Variants in CPA6 observed in about 807,000 individuals in gnomAD.
The protein encoded by CPA6 is carboxypeptidase B.
A neutral mutation model predicts 63.3 loss-of-function variants in CPA6; 58 were observed. That is an observed-to-expected ratio of 0.92 (90% CI 0.74 to 1.14). The LOEUF (loss-of-function observed/expected upper bound fraction) is 1.14, where lower values mean the gene tolerates loss of function less well. Ranked by LOEUF, CPA6 falls within the 50% of genes most tolerant of loss-of-function variation. The probability of loss-of-function intolerance (pLI) is 0.00; values close to 1 mark genes in which losing one functional copy is unlikely to be tolerated. For missense variants in CPA6, 565 were observed against 526.6 expected (o/e 1.07, Z -0.71); for synonymous variants, 185 against 179.0 (o/e 1.03, Z -0.27).
chr8:67,713,093 GTGTGTGTATATATATATATATATATATA>G (rs1332868018), intron 1 of CPA6, among the ~76,000 whole-genome samples: 1 of 87,990 alleles, frequency 1.1e-5, no homozygotes, highest in Non-Finnish European at 2.2e-5. Flanking sequence ...ATGTGTGTGT[GTGTGTGTATATATATATATATATATATA>G]TATATATATA....
In CPA6 at chr8:67,627,377, C is replaced by T. The variant is rs149544565; in HGVS notation, c.117-3126G>A. Among the ~76,000 whole-genome samples the T allele has an allele frequency of 8.8e-3, 1,334 of 152,268 alleles. 28 individuals carry two copies. The highest frequency in any genetic ancestry group is 0.029 in the African/African-American group (1,199 of 41,544). ...GTCTACTGGAACTTAGAAAAACTAA[C>T]CATGCAAAACTATCAGAGGAGGTGA... On this transcript the variant is annotated intron_variant, in intron 1 of 10. Coordinates refer to ENST00000297770, the MANE Select transcript of CPA6 (RefSeq NM_020361.5).
At chr8:67,608,002 A>C (rs941108589) in intron 2 of CPA6, among the ~76,000 whole-genome samples, 1 of 152,204 alleles carries the variant, frequency 6.6e-6, no homozygotes. Context: ...GAGGATCCAG[A>C]AATTTTCCAT....
At chr8:67,513,419 G>C (rs1812081810) in intron 3 of CPA6, among the ~76,000 whole-genome samples, 1 of 152,018 alleles carries the variant, frequency 6.6e-6, no homozygotes, top group South Asian at 2.1e-4. Context: ...AATACTGCAG[G>C]GAACCTTCAG....
intron 1 of CPA6, among the ~76,000 whole-genome samples, chr8:67,660,638 C>T (rs1008023377): frequency 4.6e-5 from 7 of 151,614 alleles, no homozygotes; most frequent in South Asian, 2.1e-4. Flanking sequence ...CCTCTATGCC[C>T]GGCCTGTATT....
rs1355403932 is a variant in CPA6 at position 67,638,388 on chromosome 8, CT to C, written c.117-14138del. The stretch of plus-strand genomic sequence containing the variant: ...AGCAGGATTAGGAATGAAATTCACC[CT>C]AAAAAATCAACCTAATAAACCTAGT... On this transcript the variant is annotated intron_variant, in intron 1 of 10. Coordinates refer to ENST00000297770, the MANE Select transcript of CPA6 (RefSeq NM_020361.5). Among the ~76,000 whole-genome samples, 45 of 151,428 alleles carry C rather than the reference CT, an allele frequency of 3.0e-4. 1 individual carries two copies. The highest frequency in any genetic ancestry group is 1.1e-3 in the African/African-American group (44 of 40,794).
At chr8:67,515,784 A>G (rs1812132249) in intron 3 of CPA6, among the ~76,000 whole-genome samples, 1 of 152,060 alleles carries the variant, frequency 6.6e-6, no homozygotes, top group African/African-American at 2.4e-5. Flanking sequence ...ACTCCCCTTC[A>G]ATAATCTCTG....
intron 8 of CPA6, among the ~76,000 whole-genome samples, chr8:67,454,918 G>A (rs76979455): frequency 0.011 from 1,737 of 152,250 alleles, 29 homozygotes; most frequent in African/African-American, 0.039. Context: ...GGATATAATC[G>A]TAAAGTGTGC....
chr8:67,733,219 A>AAT (rs1563412999), intron 1 of CPA6, among the ~76,000 whole-genome samples: 1 of 110,010 alleles, frequency 9.1e-6, no homozygotes, highest in African/African-American at 4.0e-5. Flanking sequence ...AAAAAAAAAA[A>AAT]AAAAATAAAA....
intron 6 of CPA6, among the ~76,000 whole-genome samples, chr8:67,495,998 T>G (rs1034359196): frequency 2.0e-5 from 3 of 152,174 alleles, no homozygotes; most frequent in Non-Finnish European, 2.9e-5. Context: ...CGCCCACATA[T>G]CATGCTCATT....
At chr8:67,430,425 TCTGC>T (rs1810002104) in intron 9 of CPA6, among the ~76,000 whole-genome samples, 1 of 152,076 alleles carries the variant, frequency 6.6e-6, no homozygotes, top group South Asian at 2.1e-4. Flanking sequence ...GGTGATCTGA[TCTGC>T]CTGCCTTGGC....
chr8:67,576,314 G>A (rs141483700), intron 2 of CPA6, among the ~76,000 whole-genome samples: 42 of 151,796 alleles, frequency 2.8e-4, no homozygotes, highest in East Asian at 5.8e-4. Flanking sequence ...ACTATAATTC[G>A]TCTATATGTA....
At chr8:67,525,857 T>C (rs970472593) in intron 2 of CPA6, among the ~76,000 whole-genome samples, 2 of 152,162 alleles carry the variant, frequency 1.3e-5, no homozygotes, top group South Asian at 2.1e-4. Context: ...ATAATAGGCA[T>C]TGGAGACCCG....
At chr8:67,674,790 G>T in intron 1 of CPA6, among the ~76,000 whole-genome samples, 1 of 152,228 alleles carries the variant, frequency 6.6e-6, no homozygotes, top group Non-Finnish European at 1.5e-5. Flanking sequence ...ATCAATGATG[G>T]ATTAGATAAA....
chr8:67,687,725 G>A, intron 1 of CPA6, among the ~76,000 whole-genome samples: 1 of 152,168 alleles, frequency 6.6e-6, no homozygotes, highest in Middle Eastern at 3.4e-3. Flanking sequence ...TTGTTGTGAC[G>A]CTAGGCAAGT....
chr8:67,665,832 C>T (rs547312323), intron 1 of CPA6, among the ~76,000 whole-genome samples: 9 of 152,264 alleles, frequency 5.9e-5, no homozygotes, highest in South Asian at 4.2e-4. Context: ...CCTCTCTAGT[C>T]GGTAGTTTCC....
chr8:67,546,957 T>C (rs369862188), intron 2 of CPA6, among the ~76,000 whole-genome samples: 1 of 152,206 alleles, frequency 6.6e-6, no homozygotes, highest in East Asian at 1.9e-4. Flanking sequence ...TCCAAGTCAC[T>C]GGAACTACAG....
intron 8 of CPA6, among the ~76,000 whole-genome samples, chr8:67,482,349 A>C (rs1395211608): frequency 6.6e-6 from 1 of 152,236 alleles, no homozygotes; most frequent in Non-Finnish European, 1.5e-5. Context: ...CCCATCAGAG[A>C]GAAGGGAAAG....
intron 1 of CPA6, among the ~76,000 whole-genome samples, chr8:67,742,120 T>C (rs941308460): frequency 7.2e-5 from 9 of 124,602 alleles, no homozygotes; most frequent in African/African-American, 2.4e-4. Context: ...CTACTTTCTG[T>C]TCTACTTTTG....
intron 2 of CPA6, among the ~76,000 whole-genome samples, chr8:67,521,048 T>G (rs2128967335): frequency 6.6e-6 from 1 of 152,336 alleles, no homozygotes; most frequent in East Asian, 1.9e-4. Context: ...AATTAGTAGT[T>G]CTGAACTGCA....
Sources: allele counts gnomAD v4.1 joint callset (sites outside exome capture counted in the v4.1 genomes callset), GRCh38; gene constraint gnomAD v4.1.1; transcripts MANE v1.5; gene names NCBI Gene and HGNC (gene_info 2026-07-23, HGNC 2026-07-21).